The following CAB39L variants were observed in gnomAD, a reference collection of about 807,000 sequenced individuals.
CAB39L encodes the protein calcium binding protein 39 like.
Under a neutral mutation model 39.1 loss-of-function variants are expected in CAB39L, and 23 were observed. That is an observed-to-expected ratio of 0.59 (90% CI 0.42 to 0.83). The LOEUF (loss-of-function observed/expected upper bound fraction) is 0.83. Among genes scored for constraint, CAB39L ranks in the 40% least tolerant of loss-of-function variants. The probability of loss-of-function intolerance (pLI) is 0.00; values close to 1 mark genes in which losing one functional copy is unlikely to be tolerated. For missense variants in CAB39L, 366 were observed against 391.9 expected, an observed-to-expected ratio of 0.93 and a Z score of 0.56; for synonymous variants, 126 against 137.2, an observed-to-expected ratio of 0.92 and a Z score of 0.57.
intron 9 of CAB39L, among the ~76,000 whole-genome samples, chr13:49,334,987 A>G (rs1011708837): frequency 3.3e-5 from 5 of 152,148 alleles, no homozygotes. Context: ...TGACAAGCAA[A>G]TAGTTGGAAA....
chr13:49,364,022 T>C (rs1955703170), intron 5 of CAB39L, among the ~76,000 whole-genome samples: 1 of 152,064 alleles, frequency 6.6e-6, no homozygotes, highest in African/African-American at 2.4e-5. Flanking sequence ...GGAGTAGCTA[T>C]ACTTACATCA....
chr13:49,363,822 C>CAAAAAA (rs112015067), intron 5 of CAB39L, among the ~76,000 whole-genome samples: 1 of 59,468 alleles, frequency 1.7e-5, no homozygotes, highest in Admixed American at 2.0e-4. Flanking sequence ...GACCCTGTCT[C>CAAAAAA]AAAAAAAAAA....
rs201104935 is a variant in CAB39L at position 49,347,097 on chromosome 13, T to TA, written c.565-2860dup. ...CAAAACCCTTTGAAACCAGCTACTTTAAAAAAAAAAGTGATTTATGGTCAT... is the reference window on the plus strand; with the variant it reads ...CAAAACCCTTTGAAACCAGCTACTTTAAAAAAAAAAAGTGATTTATGGTCAT... On this transcript the variant is annotated intron_variant, in intron 7 of 10. Transcript: ENST00000409308. Among the ~76,000 whole-genome samples the TA allele has an allele frequency of 3.3e-3, 494 of 148,372 alleles. 2 individuals carry two copies. Among genetic ancestry groups the TA allele is most frequent in the African/African-American group, 0.011 (447 of 40,610 alleles).
intron 4 of CAB39L, among the ~76,000 whole-genome samples, chr13:49,380,918 GCTA>G (rs1956240919): frequency 1.3e-5 from 2 of 151,900 alleles, no homozygotes; most frequent in South Asian, 2.1e-4. Context: ...CTTGGGTGAC[GCTA>G]CTTTTATTTA....
intron 7 of CAB39L, among the ~76,000 whole-genome samples, chr13:49,346,100 G>GATATATATATATATATATATATAT (rs370368670): frequency 0.017 from 526 of 30,774 alleles, 47 homozygotes; most frequent in East Asian, 0.04. Context: ...ATATATGCTA[G>GATATATATATATATATATATATAT]ATATATATAT....
At chr13:49,378,274 AC>A (rs1427383281) in intron 4 of CAB39L, among the ~76,000 whole-genome samples, 3 of 71,108 alleles carry the variant, frequency 4.2e-5, no homozygotes, top group East Asian at 2.7e-4. Context: ...GGGGGGGTCA[AC>A]CCCCCGCCCG....
rs555540329 is a variant in CAB39L, at chr13:49,420,310, C to T, written c.-32+13008G>A. 6 of 152,288 alleles carry T rather than the reference C, an allele frequency of 3.9e-5. No individual in the cohort carries two copies. The East Asian group carries it at 9.6e-4, about 24-fold the overall frequency. 9.4% of individuals were successfully genotyped at this position (152,288 alleles called of 1,614,324 possible). ...GCATAAATATACTTTAATGATACAA[C>T]TTCATTTATCCTCACCTTGTTGACT... On this transcript the variant is annotated intron_variant, in intron 3 of 10. Transcript: ENST00000409308.
chr13:49,334,620 C>A (rs1297622125), intron 9 of CAB39L, among the ~76,000 whole-genome samples: 2 of 152,178 alleles, frequency 1.3e-5, no homozygotes, highest in Admixed American at 6.5e-5. Context: ...ATTTGTGACC[C>A]TGTTTAAAGA....
chr13:49,393,241 A>G (rs143348647), intron 3 of CAB39L, among the ~76,000 whole-genome samples: 1 of 152,274 alleles, frequency 6.6e-6, no homozygotes, highest in African/African-American at 2.4e-5. Flanking sequence ...TACAGCTTTC[A>G]CATATAAGAA....
intron 9 of CAB39L, among the ~76,000 whole-genome samples, chr13:49,334,062 T>A (rs1307780752): frequency 6.6e-6 from 1 of 152,140 alleles, no homozygotes; most frequent in Non-Finnish European, 1.5e-5. Flanking sequence ...ACATCAAATC[T>A]CCATCTAAGA....
intron 4 of CAB39L, among the ~76,000 whole-genome samples, chr13:49,377,435 T>A (rs942567853): frequency 2.1e-5 from 2 of 94,976 alleles, no homozygotes; most frequent in East Asian, 2.1e-4. Context: ...CTCCCCACGG[T>A]CTCCCTCTCA....
At chr13:49,319,996 TA>T (rs1389938061) in intron 10 of CAB39L, among the ~76,000 whole-genome samples, 7 of 152,200 alleles carry the variant, frequency 4.6e-5, no homozygotes, top group Non-Finnish European at 4.4e-5. Flanking sequence ...ACCATAAACC[TA>T]AGGAAAATGC....
intron 3 of CAB39L, among the ~76,000 whole-genome samples, chr13:49,406,336 T>A (rs1370430776): frequency 2.0e-5 from 3 of 146,920 alleles, no homozygotes; most frequent in East Asian, 3.9e-4. Flanking sequence ...CCCAGCTATT[T>A]TTTTTTTTTT....
intron 6 of CAB39L, among the ~76,000 whole-genome samples, chr13:49,358,841 T>C (rs9316441): frequency 0.27 from 40,779 of 151,556 alleles, 5,746 homozygotes; most frequent in African/African-American, 0.31. Context: ...GCCTGGACAA[T>C]AGAGCAAGAC....
intron 6 of CAB39L, among the ~76,000 whole-genome samples, chr13:49,352,405 G>C (rs1025387143): frequency 2.0e-5 from 3 of 151,920 alleles, no homozygotes; most frequent in Admixed American, 6.6e-5. Flanking sequence ...ATAGAACAAA[G>C]AAAGATATAG....
intron 6 of CAB39L, among the ~76,000 whole-genome samples, chr13:49,351,815 G>A (rs569495902): frequency 2.0e-5 from 3 of 152,134 alleles, no homozygotes; most frequent in Non-Finnish European, 2.9e-5. Context: ...GCTGGAGTTG[G>A]GTGAGGGAAT....
At chr13:49,359,922 A>T (rs1955587583) in intron 5 of CAB39L, 90 bp from the exon 6 acceptor site, 1 of 667,736 alleles carries the variant, frequency 1.5e-6, no homozygotes, top group Non-Finnish European at 2.5e-6. Context: ...ATATACACAC[A>T]GACAGAAATG....
intron 1 of CAB39L, among the ~76,000 whole-genome samples, chr13:49,443,666 C>T (rs1957588933): frequency 6.6e-6 from 1 of 152,080 alleles, no homozygotes; most frequent in Non-Finnish European, 1.5e-5. Context: ...TCCCAGGAAC[C>T]AATGTTAAGG....
intron 10 of CAB39L, among the ~76,000 whole-genome samples, chr13:49,331,516 T>G (rs1034094079): frequency 2.0e-5 from 3 of 151,982 alleles, no homozygotes; most frequent in Non-Finnish European, 2.9e-5. Flanking sequence ...AGGGGTTACT[T>G]TTCTATCATA....
Sources: allele counts gnomAD v4.1 joint callset (sites outside exome capture counted in the v4.1 genomes callset), GRCh38; gene constraint gnomAD v4.1.1; transcripts MANE v1.5; gene names NCBI Gene and HGNC (gene_info 2026-07-23, HGNC 2026-07-21).